The following LCLAT1 variants were observed in gnomAD, a reference collection of about 807,000 sequenced individuals.
The protein encoded by LCLAT1 is lysocardiolipin acyltransferase 1.
LCLAT1 carries 11 observed loss-of-function variants against 30.7 expected under a neutral mutation model. The ratio of observed to expected loss-of-function variants is 0.36; its 90% CI spans 0.23 to 0.59. The LOEUF (loss-of-function observed/expected upper bound fraction) is 0.59. Ranked by LOEUF, LCLAT1 falls within the 20% of genes least tolerant of loss-of-function variation. The pLI, the probability that LCLAT1 is intolerant of heterozygous loss-of-function variation, is 0.77. For synonymous variants in LCLAT1, 155 were observed against 151.3 expected, an observed-to-expected ratio of 1.02 and a Z score of -0.18; for missense variants, 402 against 458.6, an observed-to-expected ratio of 0.88 and a Z score of 1.13.
intron 3 of LCLAT1, among the ~76,000 whole-genome samples, chr2:30,540,667 CTTTTT>C (rs563391404): frequency 3.5e-5 from 5 of 142,834 alleles, no homozygotes; most frequent in Admixed American, 2.8e-4. Context: ...CTTTTCCTTT[CTTTTT>C]TTTTTTTTTG....
At chr2:30,522,387 T>TAG (rs1341463405) in intron 1 of LCLAT1, among the ~76,000 whole-genome samples, 1 of 152,210 alleles carries the variant, frequency 6.6e-6, no homozygotes, top group East Asian at 1.9e-4. Flanking sequence ...AAAATTTTTT[T>TAG]TTTTAGCTAT....
At chr2:30,589,662 A>G (rs1666605060) in intron 5 of LCLAT1, among the ~76,000 whole-genome samples, 1 of 152,236 alleles carries the variant, frequency 6.6e-6, no homozygotes, top group African/African-American at 2.4e-5. Context: ...TACTTAGTAC[A>G]TGGCGTATCT....
chr2:30,585,694 G>A (rs1451580905), intron 5 of LCLAT1, among the ~76,000 whole-genome samples: 7 of 151,688 alleles, frequency 4.6e-5, no homozygotes, highest in African/African-American at 1.2e-4. Flanking sequence ...CTCTCTTATC[G>A]GTTATACTCT....
Position 30,617,436 on chromosome 2 carries a change from C to CTGAT in LCLAT1, c.629-22680_629-22677dup, listed in dbSNP as rs576929630. On this transcript the variant is annotated intron_variant, in intron 5 of 5. Coordinates refer to ENST00000379509, the MANE Select transcript of LCLAT1 (RefSeq NM_001002257.3). The stretch of plus-strand genomic sequence containing the variant: ...CACAATTTCTTTAACCATTCATGGA[C>CTGAT]TGATAGACACCTGCGTTATTTACAA... Among the ~76,000 whole-genome samples the CTGAT allele has an allele frequency of 5.9e-5, 9 of 152,274 alleles. No individual in the cohort carries two copies. The South Asian group carries it at 1.4e-3, about 25-fold the overall frequency.
intron 5 of LCLAT1, among the ~76,000 whole-genome samples, chr2:30,604,266 C>T (rs1304461497): frequency 6.6e-6 from 1 of 152,136 alleles, no homozygotes; most frequent in Non-Finnish European, 1.5e-5. Flanking sequence ...GCCTGGAAAT[C>T]TCTTCTATGT....
At chr2:30,469,327 T>C (rs1682643674) in intron 1 of LCLAT1, among the ~76,000 whole-genome samples, 2 of 152,170 alleles carry the variant, frequency 1.3e-5, no homozygotes, top group African/African-American at 4.8e-5. Context: ...TCCAAGGTTG[T>C]GAAGATTTAC....
chr2:30,538,926 G>A (rs780823713), intron 3 of LCLAT1, among the ~76,000 whole-genome samples: 25 of 151,218 alleles, frequency 1.7e-4, no homozygotes, highest in Non-Finnish European at 3.2e-4. Context: ...GCACCAGATG[G>A]CTTCACTACT....
At chr2:30,621,788 T>TC (rs1445810431) in intron 5 of LCLAT1, among the ~76,000 whole-genome samples, 3 of 152,130 alleles carry the variant, frequency 2.0e-5, no homozygotes, top group Non-Finnish European at 4.4e-5. Context: ...TCTGACTTTT[T>TC]CTCACAGGGG....
chr2:30,448,355 A>G (rs886982263), intron 1 of LCLAT1, among the ~76,000 whole-genome samples: 1 of 149,352 alleles, frequency 6.7e-6, no homozygotes, highest in African/African-American at 2.4e-5. Flanking sequence ...TTTTTGTAAA[A>G]CATATTTTTT....
intron 3 of LCLAT1, among the ~76,000 whole-genome samples, chr2:30,545,347 G>A (rs1525062): frequency 0.85 from 129,020 of 152,064 alleles, 54,881 homozygotes; most frequent in East Asian, 0.94. Context: ...ATTGCTATGC[G>A]CATTTTTTTT....
At chr2:30,516,789 T>G (rs1374420064) in intron 1 of LCLAT1, among the ~76,000 whole-genome samples, 1 of 152,142 alleles carries the variant, frequency 6.6e-6, no homozygotes, top group Non-Finnish European at 1.5e-5. Flanking sequence ...CTATCCTTCC[T>G]TAGAATCAGA....
At chr2:30,460,636 C>G (rs541236926) in intron 1 of LCLAT1, among the ~76,000 whole-genome samples, 14 of 152,222 alleles carry the variant, frequency 9.2e-5, no homozygotes, top group Non-Finnish European at 1.0e-4. Flanking sequence ...ATAGATGTAT[C>G]TTTTGTTATT....
intron 1 of LCLAT1, among the ~76,000 whole-genome samples, chr2:30,497,382 G>A (rs901142454): frequency 6.6e-6 from 1 of 152,038 alleles, no homozygotes; most frequent in African/African-American, 2.4e-5. Context: ...TTTTTATCAG[G>A]ATTCTAGGTA....
At chr2:30,528,800 G>A (rs1158794549) in intron 2 of LCLAT1, among the ~76,000 whole-genome samples, 1 of 152,202 alleles carries the variant, frequency 6.6e-6, no homozygotes, top group African/African-American at 2.4e-5. Flanking sequence ...CTGTCACTCA[G>A]CTGTTTAGTT....
At chr2:30,609,025 G>C (rs1057375029) in intron 5 of LCLAT1, among the ~76,000 whole-genome samples, 1 of 151,958 alleles carries the variant, frequency 6.6e-6, no homozygotes, top group Admixed American at 6.5e-5. Context: ...ATTTTAATTT[G>C]GTTTTGTCTG....
chr2:30,521,425 C>T (rs1294630089), intron 1 of LCLAT1, among the ~76,000 whole-genome samples: 1 of 146,270 alleles, frequency 6.8e-6, no homozygotes, highest in Non-Finnish European at 1.5e-5. Context: ...TGGATCAGGA[C>T]AGCTTTGCTG....
intron 1 of LCLAT1, among the ~76,000 whole-genome samples, chr2:30,454,119 T>C (rs1272446850): frequency 6.6e-6 from 1 of 152,194 alleles, no homozygotes; most frequent in Non-Finnish European, 1.5e-5. Flanking sequence ...GTATTACAAG[T>C]TATGTCCAAA....
chr2:30,560,442 A>G (rs1398887546), intron 3 of LCLAT1, among the ~76,000 whole-genome samples: 1 of 152,026 alleles, frequency 6.6e-6, no homozygotes, highest in Non-Finnish European at 1.5e-5. Flanking sequence ...AGGTTCAAGC[A>G]GTTCTCCCCG....
At chr2:30,566,013 G>A (rs913697799) in intron 4 of LCLAT1, among the ~76,000 whole-genome samples, 4 of 152,144 alleles carry the variant, frequency 2.6e-5, no homozygotes, top group African/African-American at 7.2e-5. Flanking sequence ...TCCCATGGGC[G>A]GAAGGAGTGT....
Sources: gnomAD v4.1 joint callset for allele counts (sites outside exome capture counted in the v4.1 genomes callset) on GRCh38, gnomAD v4.1.1 for gene constraint, MANE v1.5 for transcripts, NCBI Gene and HGNC (gene_info 2026-07-23, HGNC 2026-07-21) for gene names.